Variants in MAP4 observed in about 807,000 individuals in gnomAD.
MAP4 encodes the protein microtubule-associated protein 4.
MAP4 carries 76 observed loss-of-function variants against 170.2 expected under a neutral mutation model. That is an observed-to-expected ratio of 0.45 (90% CI 0.37 to 0.54). The LOEUF (loss-of-function observed/expected upper bound fraction) is 0.54. MAP4 is among the 20% of genes least tolerant of loss of function. The pLI is 0.00. For missense variants in MAP4, 2,506 were observed against 2,748.0 expected (o/e 0.91, Z 1.97); for synonymous variants, 909 against 994.5 (o/e 0.91, Z 1.62).
At chr3:47,877,131 C>A (rs912886062) in intron 11 of MAP4, 10 of 271,734 alleles carry the variant, frequency 3.7e-5, no homozygotes, top group Non-Finnish European at 7.2e-5. Context: ...CCCGCCTTGG[C>A]CTCCCAAAGT....
At chr3:48,003,501 A>T (rs1239504660) in intron 1 of MAP4, among the ~76,000 whole-genome samples, 1 of 151,842 alleles carries the variant, frequency 6.6e-6, no homozygotes, top group East Asian at 1.9e-4. Flanking sequence ...AACTGTTATG[A>T]TCAGCCATTC....
rs2100041123 is a variant in MAP4, at chr3:47,918,779, G to A, written c.592C>T (p.Pro198Ser). 6.2e-7 allele frequency: 1 copy of A among 1,611,684 alleles called. No individual in the cohort carries two copies. The highest frequency in any genetic ancestry group is 1.3e-5 in the African/African-American group (1 of 74,886). Residue 198 changes from proline (P) to serine (S), a missense_variant, in exon 6 of 21, where the codon CCA becomes TCA. Transcript: ENST00000683076. ...QGWSVEALNS[P>S]HSESFVSPEA... ...GGGGAAACAAAGGACTCTGAGTGTG[G>A]AGAGTTTAAGGCTTCCACAGACCAC...
chr3:47,928,093 G>T, intron 4 of MAP4, 135 bp downstream of exon 4: 1 of 1,021,888 alleles, frequency 9.8e-7, no homozygotes, highest in Non-Finnish European at 1.4e-6. Context: ...AGAAGAGAAA[G>T]GGACAAACCA....
intron 10 of MAP4, chr3:47,891,414 C>T (rs958132290): frequency 2.0e-6 from 3 of 1,535,820 alleles, no homozygotes; most frequent in South Asian, 1.2e-5. Flanking sequence ...TGTTCCTCAC[C>T]CACAGTCATG....
At chr3:48,078,448 T>C (rs907819876) in intron 1 of MAP4, among the ~76,000 whole-genome samples, 4 of 151,680 alleles carry the variant, frequency 2.6e-5, no homozygotes, top group African/African-American at 7.3e-5. Flanking sequence ...TGAGCTACCA[T>C]GCCTACCCCA....
At chr3:48,025,292 C>CT (rs35840095) in intron 1 of MAP4, among the ~76,000 whole-genome samples, 1,486 of 137,166 alleles carry the variant, frequency 0.011, 12 homozygotes, top group African/African-American at 0.019. Context: ...TACCTACACA[C>CT]TTTTTTTTTT....
intron 3 of MAP4, among the ~76,000 whole-genome samples, chr3:47,955,483 A>C (rs553182114): frequency 2.1e-5 from 3 of 143,948 alleles, no homozygotes; most frequent in South Asian, 2.2e-4. Flanking sequence ...CACACACACT[A>C]GTCAACTATA....
rs143973809 is a variant in MAP4, at chr3:48,031,477, G to A, written c.-19-32598C>T. Among the ~76,000 whole-genome samples, 1,075 of 152,296 alleles carry A rather than the reference G, an allele frequency of 7.1e-3. 14 individuals carry two copies. Among genetic ancestry groups the A allele is most frequent in the African/African-American group, 0.024 (1,006 of 41,562 alleles). On this transcript the variant is annotated intron_variant, in intron 1 of 18. Coordinates refer to the MAP4 transcript ENST00000360240. ...GAGGCAGGAGAATCACTTGAACCCA[G>A]GAGACGGAAGTTACAGTGAGCCAAG...
intron 1 of MAP4, among the ~76,000 whole-genome samples, chr3:48,073,117 G>A (rs2100141817): frequency 6.6e-6 from 1 of 152,040 alleles, no homozygotes; most frequent in Admixed American, 6.6e-5. Context: ...GGCTGAGGCA[G>A]GAGAATCATT....
At chr3:47,865,550 C>T (rs764440183) in intron 17 of MAP4, among the ~76,000 whole-genome samples, 4 of 152,124 alleles carry the variant, frequency 2.6e-5, no homozygotes, top group East Asian at 1.9e-4. Context: ...AGCTCATGGC[C>T]GCATTCCTCA....
chr3:47,892,086 C>T (rs2100024332), intron 10 of MAP4: 2 of 1,536,096 alleles, frequency 1.3e-6, no homozygotes, highest in East Asian at 2.4e-5. Flanking sequence ...TTGTCTGGCC[C>T]CTCTATGAGT....
chr3:48,080,920 A>T (rs6442099), intron 1 of MAP4, among the ~76,000 whole-genome samples: 57 of 152,094 alleles, frequency 3.7e-4, no homozygotes, highest in African/African-American at 1.3e-3. Context: ...GTCAGGAGAT[A>T]GAGACCATCC....
chr3:47,951,626 G>A (rs548943040), intron 3 of MAP4, among the ~76,000 whole-genome samples: 2 of 152,332 alleles, frequency 1.3e-5, no homozygotes, highest in African/African-American at 4.8e-5. Context: ...TGCCGGGATT[G>A]CAGACGGAGT....
intron 3 of MAP4, among the ~76,000 whole-genome samples, chr3:47,962,338 T>A (rs899487186): frequency 6.6e-6 from 1 of 152,200 alleles, no homozygotes; most frequent in African/African-American, 2.4e-5. Context: ...TAAGCCCCAG[T>A]CTGGGGGCTT....
At chr3:48,062,494 T>TTAA (rs1349336366) in intron 1 of MAP4, among the ~76,000 whole-genome samples, 1 of 81,554 alleles carries the variant, frequency 1.2e-5, no homozygotes, top group Non-Finnish European at 2.2e-5. Flanking sequence ...GAATGATCAA[T>TTAA]AAAAAAAAAA....
chr3:47,968,767 G>A (rs1455034515), intron 3 of MAP4, among the ~76,000 whole-genome samples: 2 of 151,942 alleles, frequency 1.3e-5, no homozygotes, highest in Non-Finnish European at 2.9e-5. Context: ...AGGAAACAGA[G>A]GAGAGAAAAT....
At chr3:47,899,814 T>G (rs934391531) in intron 10 of MAP4, among the ~76,000 whole-genome samples, 1 of 152,304 alleles carries the variant, frequency 6.6e-6, no homozygotes, top group Middle Eastern at 3.4e-3. Context: ...GAGCTAAATA[T>G]TGTGAAGTTC....
At chr3:48,032,772 A>G (rs2100116841) in intron 1 of MAP4, among the ~76,000 whole-genome samples, 1 of 152,188 alleles carries the variant, frequency 6.6e-6, no homozygotes, top group Admixed American at 6.6e-5. Context: ...AATTCCCCTG[A>G]GAAACTTAAT....
At chr3:47,991,087 CG>C (rs1426978602) in intron 2 of MAP4, among the ~76,000 whole-genome samples, 1 of 152,076 alleles carries the variant, frequency 6.6e-6, no homozygotes, top group Non-Finnish European at 1.5e-5. Flanking sequence ...GAATAAAGGT[CG>C]GGGGGTTCTT....
Sources: gnomAD v4.1 joint callset for allele counts (sites outside exome capture counted in the v4.1 genomes callset) on GRCh38, gnomAD v4.1.1 for gene constraint, MANE v1.5 for transcripts, NCBI Gene and HGNC (gene_info 2026-07-23, HGNC 2026-07-21) for gene names.